Variants in ABAT observed in about 807,000 individuals in gnomAD.
ABAT encodes 4-aminobutyrate aminotransferase, mitochondrial.
In ABAT, 45 loss-of-function variants were observed where a neutral mutation model predicts 64.6. The ratio of observed to expected loss-of-function variants is 0.70; its 90% CI spans 0.55 to 0.89. The LOEUF (loss-of-function observed/expected upper bound fraction) is 0.89, where lower values mean the gene tolerates loss of function less well. Among genes scored for constraint, ABAT ranks in the 40% least tolerant of loss-of-function variants. The pLI is 0.00. For synonymous variants in ABAT, 297 were observed against 250.5 expected (o/e 1.19, Z -1.75); for missense variants, 633 against 658.4 (o/e 0.96, Z 0.42).
chr16:8,736,083 C>A (rs1042746202), intron 2 of ABAT: 1 of 461,934 alleles, frequency 2.2e-6, no homozygotes, highest in Non-Finnish European at 4.0e-6. Context: ...AACAAAGGCA[C>A]GTCTTACATG....
intron 1 of ABAT, among the ~76,000 whole-genome samples, chr16:8,699,883 G>T (rs975191288): frequency 6.6e-6 from 1 of 151,998 alleles, no homozygotes; most frequent in African/African-American, 2.4e-5. Flanking sequence ...GCACGATCAC[G>T]GCTGACTGCA....
In ABAT at chr16:8,781,320, G is replaced by C. The variant is rs781555217; in HGVS notation, c.1393G>C (p.Gly465Arg). 2.5e-6 allele frequency: 4 copies of C among 1,614,078 alleles called. No homozygotes were observed. The highest frequency in any genetic ancestry group is 3.4e-6 in the Non-Finnish European group (4 of 1,179,996). Residue 465 changes from glycine to arginine, a missense_variant, in exon 16 of 16, where the codon GGT becomes CGT. Transcript: ENST00000268251. The surrounding 1 kb of genome is among the most constrained non-coding windows in gnomAD (Gnocchi z 4.5). ...CCTGCCTCTTTCAGGTGTGGTGTTG[G>C]GTGGCTGTGGTGACAAATCCATTCG... ...LIARNKGVVL[G>R]GCGDKSIRFR...
At position 8,738,012 on chromosome 16, in the gene ABAT, GA is replaced by G. The variant is rs201437348; in HGVS notation, c.70+2206del. Among the ~76,000 whole-genome samples the G allele has an allele frequency of 1.8e-3, 173 of 96,840 alleles. 10 individuals carry two copies. Among genetic ancestry groups the G allele is most frequent in the African/African-American group, 6.1e-3 (121 of 19,946 alleles). 63.5% of individuals were successfully genotyped at this position (96,840 alleles called of 152,430 possible). Reference sequence around the variant, plus strand: ...AGGAGGAAAGAAAGAAAGAAAGAAAGAAAGGAAAGAAAGAAAGAAGGACAGA... The same window carrying G: ...AGGAGGAAAGAAAGAAAGAAAGAAAGAAGGAAAGAAAGAAAGAAGGACAGA... On this transcript the variant is annotated intron_variant, in intron 2 of 15. Transcript: ENST00000268251.
chr16:8,722,618 C>T, intron 1 of ABAT: 1 of 343,154 alleles, frequency 2.9e-6, no homozygotes, highest in South Asian at 2.3e-5. Flanking sequence ...GATTGGGGGT[C>T]TCAGAGACCA....
chr16:8,730,489 C>T (rs1036716692), intron 1 of ABAT, among the ~76,000 whole-genome samples: 3 of 152,168 alleles, frequency 2.0e-5, no homozygotes, highest in Non-Finnish European at 1.5e-5. Context: ...TACTCTGAAC[C>T]CGCCTGTCAT....
intron 1 of ABAT, among the ~76,000 whole-genome samples, chr16:8,726,247 T>C (rs2058549338): frequency 6.7e-6 from 1 of 149,678 alleles, no homozygotes; most frequent in African/African-American, 2.4e-5. Context: ...TCCACGTTGT[T>C]GCAAATGACT....
At chr16:8,769,385 G>GA (rs1159009725) in intron 11 of ABAT, among the ~76,000 whole-genome samples, 2 of 151,896 alleles carry the variant, frequency 1.3e-5, no homozygotes, top group Non-Finnish European at 2.9e-5. Context: ...TGGCCAACAT[G>GA]GTGAAACCCC....
At position 8,766,913 on chromosome 16, in the gene ABAT, G is replaced by A. The variant is rs191798097; in HGVS notation, c.603+643G>A. ...GAACCCGACGGGCGCGGAGGTTGCAGTAGGCCGAGATCTCACCACTGCACT... is the reference window on the plus strand; with the variant it reads ...GAACCCGACGGGCGCGGAGGTTGCAATAGGCCGAGATCTCACCACTGCACT... On this transcript the variant is annotated intron_variant, in intron 9 of 15. Transcript: ENST00000268251. 3.7e-3 allele frequency among the ~76,000 whole-genome samples: 555 copies of A among 152,044 alleles called. 4 individuals are homozygous for A. The highest frequency in any genetic ancestry group is 7.5e-3 in the Admixed American group (115 of 15,274).
chr16:8,730,207 C>T (rs914210708), intron 1 of ABAT, among the ~76,000 whole-genome samples: 5 of 152,140 alleles, frequency 3.3e-5, no homozygotes, highest in East Asian at 1.9e-4. Flanking sequence ...AGGGTAAGGA[C>T]GGCCTCTAAT....
At chr16:8,693,632 C>G (rs1395514967) in intron 1 of ABAT, among the ~76,000 whole-genome samples, 1 of 152,022 alleles carries the variant, frequency 6.6e-6, no homozygotes, top group Non-Finnish European at 1.5e-5. Context: ...TGATACTGGG[C>G]TAATTTTGGT....
In ABAT at chr16:8,772,879, G is replaced by A. The variant is rs544512086; in HGVS notation, c.916G>A (p.Asp306Asn). The A allele has an allele frequency of 6.6e-5, 107 of 1,613,978 alleles. No homozygotes were observed. In the East Asian group the frequency reaches 2.0e-3, roughly 31 times the overall value. The change falls in exon 12 of 16, where the codon GAT becomes AAT. Residue 306 changes from aspartate to asparagine, a missense_variant. Transcript: ENST00000268251. ...QSEGGDNHAS[D>N]DFFRKLRDIA... The stretch of plus-strand genomic sequence containing the variant: ...CGAGGGTGGAGACAACCACGCATCC[G>A]ATGACTTCTTTCGGAAGCTGAGAGA...
At position 8,705,952 on chromosome 16, in the gene ABAT, A is replaced by T. The variant is rs114302014; in HGVS notation, c.-41-29747A>T. ...GTGGAATCGCAACAATTTGTTTTAT[A>T]GTTCTGTCCTTTGAGGGAGTGACAT... is the stretch of plus-strand genomic sequence containing the variant. On this transcript the variant is annotated intron_variant, in intron 1 of 15. Coordinates refer to ENST00000268251, the MANE Select transcript of ABAT (RefSeq NM_020686.6). 4.3e-3 allele frequency among the ~76,000 whole-genome samples: 656 copies of T among 152,272 alleles called. 5 individuals are homozygous for T. Among genetic ancestry groups the T allele is most frequent in the African/African-American group, 0.015 (638 of 41,560 alleles).
At chr16:8,692,217 C>G (rs2057599685) in intron 1 of ABAT, among the ~76,000 whole-genome samples, 1 of 151,886 alleles carries the variant, frequency 6.6e-6, no homozygotes, top group Non-Finnish European at 1.5e-5. Flanking sequence ...TTTGTCCCTA[C>G]AGAAAATAAA....
intron 1 of ABAT, among the ~76,000 whole-genome samples, chr16:8,726,982 A>G (rs1316609536): frequency 6.6e-6 from 1 of 152,092 alleles, no homozygotes; most frequent in Admixed American, 6.6e-5. Flanking sequence ...TGCCATTTGT[A>G]TGTCTTCTTT....
At chr16:8,699,423 T>G (rs1452124029) in intron 1 of ABAT, among the ~76,000 whole-genome samples, 1 of 152,164 alleles carries the variant, frequency 6.6e-6, no homozygotes, top group East Asian at 1.9e-4. Context: ...CCAGGCATGA[T>G]AGCAGGTACG....
At chr16:8,717,983 T>C (rs1458582345) in intron 1 of ABAT, among the ~76,000 whole-genome samples, 1 of 152,132 alleles carries the variant, frequency 6.6e-6, no homozygotes, top group East Asian at 1.9e-4. Context: ...GGCATGTTAT[T>C]TCTCTGTGCA....
intron 1 of ABAT, among the ~76,000 whole-genome samples, chr16:8,687,144 G>T (rs1030198634): frequency 1.3e-5 from 2 of 152,168 alleles, no homozygotes; most frequent in African/African-American, 4.8e-5. Flanking sequence ...TGACCCTGAG[G>T]TGGGGACGCA....
intron 1 of ABAT, among the ~76,000 whole-genome samples, chr16:8,690,099 C>G (rs1461975810): frequency 6.6e-6 from 1 of 152,190 alleles, no homozygotes; most frequent in Non-Finnish European, 1.5e-5. Flanking sequence ...TTTTATTAAG[C>G]TTCATCTCCC....
At chr16:8,757,692 G>C in intron 5 of ABAT, 65 bp from the exon 6 acceptor site, 1 of 1,495,686 alleles carries the variant, frequency 6.7e-7, no homozygotes, top group Non-Finnish European at 9.3e-7. Context: ...GGGAAGGAGA[G>C]GTGGGAGGGG....
Sources: gnomAD v4.1 joint callset for allele counts (sites outside exome capture counted in the v4.1 genomes callset) on GRCh38, gnomAD v4.1.1 for gene constraint, Gnocchi (gnomAD v3.1) non-coding constraint, MANE v1.5 for transcripts, NCBI Gene and HGNC (gene_info 2026-07-23, HGNC 2026-07-21) for gene names.